The following MDGA2 variants were observed in gnomAD, a reference collection of about 807,000 sequenced individuals.
The protein encoded by MDGA2 is MAM domain-containing glycosylphosphatidylinositol anchor protein 2.
MDGA2 carries 40 observed loss-of-function variants against 117.8 expected under a neutral mutation model. The ratio of observed to expected loss-of-function variants is 0.34; its 90% confidence interval spans 0.26 to 0.44. The LOEUF is 0.44. MDGA2 is among the 20% of genes least tolerant of loss of function. The pLI is 1.00. For synonymous variants in MDGA2, 452 were observed against 439.0 expected, an observed-to-expected ratio of 1.03 and a Z score of -0.37; for missense variants, 1,123 against 1,250.6, an observed-to-expected ratio of 0.90 and a Z score of 1.54.
intron 9 of MDGA2, among the ~76,000 whole-genome samples, chr14:46,935,364 C>A (rs932949836): frequency 6.6e-6 from 1 of 152,116 alleles, no homozygotes; most frequent in African/African-American, 2.4e-5. Flanking sequence ...CTACTTGATT[C>A]CCTGCTGAAG....
chr14:47,481,027 G>C (rs1205981949), intron 1 of MDGA2, among the ~76,000 whole-genome samples: 1 of 151,860 alleles, frequency 6.6e-6, no homozygotes, highest in South Asian at 2.1e-4. Context: ...CTTTATATAA[G>C]AACAGGCTAA....
intron 7 of MDGA2, among the ~76,000 whole-genome samples, chr14:47,047,329 T>C (rs866372194): frequency 4.1e-4 from 62 of 152,162 alleles, no homozygotes; most frequent in African/African-American, 1.2e-3. Flanking sequence ...TTCTTAATTT[T>C]AGTTTTCTTA....
intron 1 of MDGA2, among the ~76,000 whole-genome samples, chr14:47,548,112 T>C (rs942531668): frequency 3.9e-5 from 6 of 152,216 alleles, no homozygotes; most frequent in Admixed American, 1.3e-4. Context: ...CTCTTTTACA[T>C]GCATGTGTAG....
chr14:47,024,458 A>G (rs369305308), intron 8 of MDGA2, among the ~76,000 whole-genome samples: 7 of 152,282 alleles, frequency 4.6e-5, no homozygotes, highest in African/African-American at 1.4e-4. Context: ...TTTCAAGGCA[A>G]ATAACTTATA....
At chr14:47,256,838 AAGGAAGAC>A (rs1887636841) in intron 2 of MDGA2, among the ~76,000 whole-genome samples, 2 of 151,976 alleles carry the variant, frequency 1.3e-5, no homozygotes, top group South Asian at 4.2e-4. Flanking sequence ...AGAAGGAAGG[AAGGAAGAC>A]AGGAAGACAG....
intron 1 of MDGA2, among the ~76,000 whole-genome samples, chr14:47,543,970 G>A (rs1291587778): frequency 6.6e-6 from 1 of 152,162 alleles, no homozygotes; most frequent in African/African-American, 2.4e-5. Context: ...TTAATCCAGT[G>A]TCTTTCCATT....
At chr14:47,174,647 C>A (rs1033857985) in intron 3 of MDGA2, among the ~76,000 whole-genome samples, 1 of 152,052 alleles carries the variant, frequency 6.6e-6, no homozygotes, top group Non-Finnish European at 1.5e-5. Context: ...ACATTCAAAG[C>A]AGTGAGTAGA....
intron 8 of MDGA2, among the ~76,000 whole-genome samples, chr14:46,967,312 G>A (rs916057832): frequency 1.3e-5 from 2 of 152,048 alleles, no homozygotes; most frequent in African/African-American, 2.4e-5. Context: ...ATTTCCTCTC[G>A]AGCCACATCT....
At chr14:47,460,330 G>A (rs1893456277) in intron 1 of MDGA2, among the ~76,000 whole-genome samples, 1 of 152,082 alleles carries the variant, frequency 6.6e-6, no homozygotes, top group South Asian at 2.1e-4. Context: ...AAGAAGGTTT[G>A]AAATGATTTC....
chr14:47,347,396 G>A (rs1236254772), intron 1 of MDGA2, among the ~76,000 whole-genome samples: 1 of 152,152 alleles, frequency 6.6e-6, no homozygotes, highest in Non-Finnish European at 1.5e-5. Flanking sequence ...GGTGATAAAT[G>A]TAACATGTTT....
chr14:47,237,900 T>A (rs1886916810), intron 2 of MDGA2, among the ~76,000 whole-genome samples: 1 of 152,128 alleles, frequency 6.6e-6, no homozygotes, highest in African/African-American at 2.4e-5. Context: ...GTGATCCTGT[T>A]AAAACACAAG....
At chr14:47,397,661 A>G (rs995306614) in intron 1 of MDGA2, among the ~76,000 whole-genome samples, 1 of 152,160 alleles carries the variant, frequency 6.6e-6, no homozygotes, top group African/African-American at 2.4e-5. Flanking sequence ...TTATAAATAG[A>G]TTATCTCTAT....
chr14:46,871,164 T>A (rs531348110), intron 14 of MDGA2: 1 of 151,952 alleles, frequency 6.6e-6, no homozygotes, highest in Non-Finnish European at 1.5e-5. Flanking sequence ...TTGTTTCCTT[T>A]CATTGGTTCT....
chr14:47,441,991 T>C (rs917888060), intron 1 of MDGA2, among the ~76,000 whole-genome samples: 2 of 151,682 alleles, frequency 1.3e-5, no homozygotes, highest in African/African-American at 4.8e-5. Flanking sequence ...TTTAAGGTTC[T>C]ATTTAGGAAA....
At chr14:47,375,252 G>T in intron 1 of MDGA2, among the ~76,000 whole-genome samples, 1 of 150,266 alleles carries the variant, frequency 6.7e-6, no homozygotes, top group African/African-American at 2.4e-5. Context: ...TAACTGCTTA[G>T]CCTACAACTT....
chr14:47,164,553 T>A lies in MDGA2; in HGVS notation c.596-20279A>T, dbSNP rs946931855. On this transcript the variant is annotated intron_variant, in intron 3 of 16. Coordinates refer to ENST00000399232, the MANE Select transcript of MDGA2 (RefSeq NM_001113498.3). ...AATGCAAATCAAAACCACAATGAGA[T>A]ACCATCTCACACCAGTTAGAATGGC... Among the ~76,000 whole-genome samples, 18 of 152,228 alleles carry A rather than the reference T, an allele frequency of 1.2e-4. 1 individual carries two copies. The highest frequency in any genetic ancestry group is 3.9e-4 in the African/African-American group (16 of 41,548).
chr14:46,931,873 T>C (rs1884592539), intron 9 of MDGA2, among the ~76,000 whole-genome samples: 2 of 152,162 alleles, frequency 1.3e-5, no homozygotes, highest in East Asian at 1.9e-4. Context: ...TGTAGTCATA[T>C]GAATAAAAAC....
chr14:47,314,185 T>G (rs1889730355), intron 1 of MDGA2, among the ~76,000 whole-genome samples: 1 of 152,186 alleles, frequency 6.6e-6, no homozygotes, highest in Non-Finnish European at 1.5e-5. Flanking sequence ...TCTGTAAAGC[T>G]GATTAATAAT....
At chr14:47,125,756 A>G (rs1002440413) in intron 5 of MDGA2, among the ~76,000 whole-genome samples, 1 of 152,074 alleles carries the variant, frequency 6.6e-6, no homozygotes, top group Admixed American at 6.6e-5. Context: ...GCTAAGGTAG[A>G]GCAGACTAAA....
Sources: allele counts gnomAD v4.1 joint callset (sites outside exome capture counted in the v4.1 genomes callset), GRCh38; gene constraint gnomAD v4.1.1; transcripts MANE v1.5; gene names NCBI Gene and HGNC (gene_info 2026-07-23, HGNC 2026-07-21).